TCF7L1: variants seen among roughly 807,000 people sequenced by gnomAD.
TCF7L1 encodes transcription factor 7-like 1.
TCF7L1 carries 18 observed loss-of-function variants against 63.7 expected under a neutral mutation model. The observed-to-expected ratio is 0.28, with a 90% CI of 0.20 to 0.42. The LOEUF (loss-of-function observed/expected upper bound fraction) is 0.42. TCF7L1 is among the 10% of genes least tolerant of loss of function. TCF7L1 has a pLI of 1.00. For synonymous variants in TCF7L1, 355 were observed against 340.9 expected (o/e 1.04, Z -0.46); for missense variants, 654 against 779.3 (o/e 0.84, Z 1.91).
At chr2:85,186,246 C>T (rs995450860) in intron 3 of TCF7L1, among the ~76,000 whole-genome samples, 14 of 152,118 alleles carry the variant, frequency 9.2e-5, no homozygotes, top group Admixed American at 9.2e-4. Flanking sequence ...GGATTACAAG[C>T]GTGAGCCACC....
In TCF7L1 at chr2:85,271,090, A is replaced by C. The variant is rs568844355; in HGVS notation, c.442-12405A>C. ...ATATTCTAGTGCCAGTGTCGAGGAA[A>C]TCCAACAGCCTCCAGCAGGCTCAAT... On this transcript the variant is annotated intron_variant, in intron 3 of 11. Coordinates refer to ENST00000282111, the MANE Select transcript of TCF7L1 (RefSeq NM_031283.3). 3.9e-5 allele frequency among the ~76,000 whole-genome samples: 6 copies of C among 152,018 alleles called. No individual in the cohort carries two copies. The East Asian group carries it at 1.2e-3, about 29-fold the overall frequency.
intron 3 of TCF7L1, among the ~76,000 whole-genome samples, chr2:85,177,494 C>A (rs1678704260): frequency 6.6e-6 from 1 of 152,178 alleles, no homozygotes; most frequent in Admixed American, 6.5e-5. Context: ...CACTTGAGCC[C>A]AGGCATTTGA....
At chr2:85,207,046 C>G (rs761941025) in intron 3 of TCF7L1, among the ~76,000 whole-genome samples, 1 of 152,190 alleles carries the variant, frequency 6.6e-6, no homozygotes, top group Non-Finnish European at 1.5e-5. Flanking sequence ...AGATTTTTCT[C>G]AGACACTCAA....
chr2:85,136,517 G>A (rs529691089), intron 3 of TCF7L1, among the ~76,000 whole-genome samples: 1 of 152,298 alleles, frequency 6.6e-6, no homozygotes, highest in Non-Finnish European at 1.5e-5. Flanking sequence ...CATCTCTGCA[G>A]TTGTTCCCTG....
At chr2:85,141,567 G>A (rs1677739767) in intron 3 of TCF7L1, among the ~76,000 whole-genome samples, 1 of 152,294 alleles carries the variant, frequency 6.6e-6, no homozygotes, top group Non-Finnish European at 1.5e-5. Flanking sequence ...TCAAAAGCCT[G>A]GCTATGGAAA....
chr2:85,298,982 A>G (rs1681898697), intron 4 of TCF7L1, among the ~76,000 whole-genome samples: 1 of 151,912 alleles, frequency 6.6e-6, no homozygotes, highest in African/African-American at 2.4e-5. Flanking sequence ...GTAAGAACTC[A>G]CACAGCATTT....
chr2:85,197,144 T>C (rs1572987714), intron 3 of TCF7L1, among the ~76,000 whole-genome samples: 1 of 152,302 alleles, frequency 6.6e-6, no homozygotes, highest in South Asian at 2.1e-4. Flanking sequence ...GTATATGTAT[T>C]AATATGTATT....
At chr2:85,263,281 A>G (rs1166591483) in intron 3 of TCF7L1, among the ~76,000 whole-genome samples, 1 of 136,564 alleles carries the variant, frequency 7.3e-6, no homozygotes, top group Non-Finnish European at 1.6e-5. Context: ...CTGAGCAGGC[A>G]TCGGGAACCG....
intron 4 of TCF7L1, among the ~76,000 whole-genome samples, chr2:85,290,052 A>G (rs752332779): frequency 5.0e-4 from 73 of 147,302 alleles, no homozygotes; most frequent in Non-Finnish European, 6.5e-4. Context: ...ATCTCAGCTC[A>G]CTGCAACTTT....
At chr2:85,303,815 C>T in intron 5 of TCF7L1, 80 bp from the exon 6 acceptor site, 3 of 1,091,994 alleles carry the variant, frequency 2.7e-6, no homozygotes, top group South Asian at 2.8e-5. Context: ...GGACATAGGG[C>T]AGGATGCTCC....
rs546075341 is a variant in TCF7L1, at chr2:85,309,228, C to G, written c.1533C>G (p.Thr511=). The G allele has an allele frequency of 2.5e-6, 4 of 1,614,154 alleles. No individual in the cohort carries two copies. In the South Asian group the frequency reaches 4.4e-5, roughly 18 times the overall value. The change falls in exon 12 of 12, where the codon ACC becomes ACG. Residue 511 remains threonine (T), a synonymous_variant. Transcript: ENST00000282111. ...QPLSLTTKPE[T]RAQLALHSAA... Reference sequence around the variant, plus strand: ...TCTCCCTCACCACCAAACCAGAAACCCGGGCCCAGCTGGCTCTCCACTCTG... The same window carrying G: ...TCTCCCTCACCACCAAACCAGAAACGCGGGCCCAGCTGGCTCTCCACTCTG...
At chr2:85,216,258 A>G (rs1679705723) in intron 3 of TCF7L1, among the ~76,000 whole-genome samples, 1 of 152,136 alleles carries the variant, frequency 6.6e-6, no homozygotes, top group Admixed American at 6.5e-5. Flanking sequence ...GGCTCCGGGC[A>G]GCTTTTTTCC....
At chr2:85,198,910 G>C (rs1240405913) in intron 3 of TCF7L1, among the ~76,000 whole-genome samples, 1 of 152,200 alleles carries the variant, frequency 6.6e-6, no homozygotes, top group Non-Finnish European at 1.5e-5. Flanking sequence ...CTAAATAAGT[G>C]AGCACTTTGG....
At chr2:85,289,319 G>C (rs1558657524) in intron 4 of TCF7L1, among the ~76,000 whole-genome samples, 1 of 151,892 alleles carries the variant, frequency 6.6e-6, no homozygotes, top group Admixed American at 6.6e-5. Flanking sequence ...AATAAATTCT[G>C]CTGAGTTACA....
chr2:85,275,418 A>C (rs1041378954), intron 3 of TCF7L1, among the ~76,000 whole-genome samples: 1 of 152,288 alleles, frequency 6.6e-6, no homozygotes, highest in African/African-American at 2.4e-5. Context: ...ATCATCCACA[A>C]AAGAAAGAAT....
chr2:85,175,251 C>A (rs1207284059), intron 3 of TCF7L1, among the ~76,000 whole-genome samples: 3 of 152,160 alleles, frequency 2.0e-5, no homozygotes, highest in Admixed American at 2.0e-4. Context: ...CAGTTTGAAG[C>A]CTGCTTTACC....
At chr2:85,187,235 C>G (rs1479595510) in intron 3 of TCF7L1, 1 of 152,156 alleles carries the variant, frequency 6.6e-6, no homozygotes. Flanking sequence ...CTGATTCACC[C>G]CAAGATTCAA....
intron 3 of TCF7L1, among the ~76,000 whole-genome samples, chr2:85,197,461 C>T (rs963152470): frequency 4.6e-5 from 7 of 152,134 alleles, no homozygotes; most frequent in Non-Finnish European, 8.8e-5. Context: ...TCTGCTAAGG[C>T]TCCTTGTGGG....
intron 3 of TCF7L1, among the ~76,000 whole-genome samples, chr2:85,204,296 C>G (rs561680306): frequency 1.2e-5 from 1 of 85,226 alleles, no homozygotes; most frequent in Admixed American, 1.0e-4. Context: ...TTGCTTCCCC[C>G]CCCCCCCCCA....
Sources: allele counts gnomAD v4.1 joint callset (sites outside exome capture counted in the v4.1 genomes callset), GRCh38; gene constraint gnomAD v4.1.1; transcripts MANE v1.5; gene names NCBI Gene and HGNC (gene_info 2026-07-23, HGNC 2026-07-21).